The following ALMS1 variants were observed in gnomAD, a reference collection of about 807,000 sequenced individuals.
ALMS1 encodes the protein ALMS1 centrosome and basal body associated protein, also known as centrosome-associated protein ALMS1.
A neutral mutation model predicts 352.2 loss-of-function variants in ALMS1; 271 were observed. The ratio of observed to expected loss-of-function variants is 0.77; its 90% confidence interval spans 0.70 to 0.85. The LOEUF (loss-of-function observed/expected upper bound fraction) is 0.85, where lower values mean the gene tolerates loss of function less well. Among genes scored for constraint, ALMS1 ranks in the 40% least tolerant of loss-of-function variants. The pLI is 0.00. For missense variants in ALMS1, 5,445 were observed against 4,870.7 expected (o/e 1.12, Z -3.51); for synonymous variants, 1,865 against 1,761.2 (o/e 1.06, Z -1.48).
At chr2:73,520,168 C>A in intron 11 of ALMS1, 152 bp downstream of exon 11, 1 of 969,650 alleles carries the variant, frequency 1.0e-6, no homozygotes, top group Non-Finnish European at 1.6e-6. Context: ...ATTTGCATAG[C>A]TGTCAACAGA....
At chr2:73,544,314 A>G (rs924536336) in intron 12 of ALMS1, among the ~76,000 whole-genome samples, 4 of 152,172 alleles carry the variant, frequency 2.6e-5, no homozygotes, top group African/African-American at 9.7e-5. Flanking sequence ...GGAATTGAAC[A>G]ATGAGAACAC....
rs1673352459 is a variant in ALMS1, at chr2:73,507,479, G to C, written c.9540-12296G>C. Reference sequence around the variant, plus strand: ...TTGTCATTGGACTGTTCAGGGATTTGACTTCTTCCTGGTTTAGTCTTGGGA... The same window carrying C: ...TTGTCATTGGACTGTTCAGGGATTTCACTTCTTCCTGGTTTAGTCTTGGGA... On this transcript the variant is annotated intron_variant, in intron 10 of 22. Coordinates refer to ENST00000613296, the MANE Select transcript of ALMS1 (RefSeq NM_001378454.1). Among the ~76,000 whole-genome samples the C allele has an allele frequency of 2.0e-5, 3 of 151,610 alleles. No homozygotes were observed. In the South Asian group the frequency reaches 6.3e-4, roughly 32 times the overall value.
rs1280037324 is a variant in ALMS1, at chr2:73,602,350, T to C, written c.12280T>C (p.Cys4094Arg). ...RERQGHQNRMCPLPKRVFLAI... is the reference protein window; with the variant it reads ...RERQGHQNRMRPLPKRVFLAI... Reference sequence around the variant, plus strand: ...ACGGCAGGGCCACCAGAATCGCATGTGCCCGCTGCCCAAGAGAGGTACGCC... The same window carrying C: ...ACGGCAGGGCCACCAGAATCGCATGCGCCCGCTGCCCAAGAGAGGTACGCC... Residue 4094 changes from cysteine to arginine, a missense_variant, in exon 20 of 23, where the codon TGC becomes CGC. By Grantham distance (180) the Cys-to-Arg change is radical. Transcript: ENST00000613296. The C allele has an allele frequency of 4.3e-6, 7 of 1,614,054 alleles. No individual in the cohort carries two copies. In the East Asian group the frequency reaches 1.3e-4, roughly 31 times the overall value.
At chr2:73,398,834 T>C (rs1349044832) in intron 1 of ALMS1, among the ~76,000 whole-genome samples, 1 of 151,818 alleles carries the variant, frequency 6.6e-6, no homozygotes, top group Non-Finnish European at 1.5e-5. Flanking sequence ...GAAAGTTTTG[T>C]CAGTTCTTTT....
chr2:73,586,327 A>T (rs74970673), intron 16 of ALMS1, among the ~76,000 whole-genome samples: 70 of 152,236 alleles, frequency 4.6e-4, no homozygotes, highest in African/African-American at 1.7e-3. Flanking sequence ...GCCTAAGTCA[A>T]TGTCTACAAG....
chr2:73,505,560 TG>T (rs1161628227), intron 10 of ALMS1, among the ~76,000 whole-genome samples: 2 of 152,220 alleles, frequency 1.3e-5, no homozygotes, highest in Non-Finnish European at 2.9e-5. Context: ...CACTTTTTGA[TG>T]GGGTTGTTTG....
At chr2:73,604,955 G>A (rs554223663) in intron 21 of ALMS1, among the ~76,000 whole-genome samples, 1 of 152,334 alleles carries the variant, frequency 6.6e-6, no homozygotes, top group African/African-American at 2.4e-5. Context: ...AGGAAGCAGT[G>A]TAAATGGAGG....
chr2:73,594,778 C>T (rs1232456152), intron 16 of ALMS1, among the ~76,000 whole-genome samples: 1 of 152,226 alleles, frequency 6.6e-6, no homozygotes, highest in South Asian at 2.1e-4. Context: ...ACCCCCACCT[C>T]CTTTCCTGAT....
Position 73,452,878 on chromosome 2 carries a change from T to C in ALMS1, c.6351T>C (p.Asp2117=), listed in dbSNP as rs1162645257. The stretch of plus-strand genomic sequence containing the variant: ...TGCCAGGTAGTCATGTAACTGAAGA[T>C]GTGCTGAAGGTTTCAACAATTCCTG... ...QELPGSHVTE[D]VLKVSTIPGP... Residue 2117 remains aspartate, a synonymous_variant, in exon 8 of 23, where the codon GAT becomes GAC. Transcript: ENST00000613296. 6.2e-7 allele frequency: 1 copy of C among 1,613,874 alleles called. No individual in the cohort carries two copies. The highest frequency in any genetic ancestry group is 1.1e-5 in the South Asian group (1 of 91,076).
intron 2 of ALMS1, among the ~76,000 whole-genome samples, chr2:73,409,125 C>T (rs183789183): frequency 1.4e-3 from 211 of 152,216 alleles, no homozygotes; most frequent in African/African-American, 4.8e-3. Context: ...GATCCTTCGC[C>T]TTGGCCTCCC....
At chr2:73,571,088 ATGT>A (rs1348532445) in intron 15 of ALMS1, among the ~76,000 whole-genome samples, 2 of 152,170 alleles carry the variant, frequency 1.3e-5, no homozygotes, top group African/African-American at 2.4e-5. Flanking sequence ...CAATTTTTAA[ATGT>A]TGCTAGATAA....
At chr2:73,499,066 T>C (rs1673167861) in intron 10 of ALMS1, among the ~76,000 whole-genome samples, 1 of 152,212 alleles carries the variant, frequency 6.6e-6, no homozygotes, top group Non-Finnish European at 1.5e-5. Context: ...CAAGCAATAG[T>C]ATACAAGGGT....
rs371587051 is a variant in ALMS1 at position 73,608,501 on chromosome 2, A to G, written c.12389A>G (p.Gln4130Arg). 92 of 1,613,884 alleles carry G rather than the reference A, an allele frequency of 5.7e-5. No homozygotes were observed. The highest frequency in any genetic ancestry group is 7.5e-5 in the Non-Finnish European group (88 of 1,179,918). ...ATTTATGAGCAGCTTCCAGAAGTAC[A>G]GAAAAAGAGAGAAGAAGAGAAGAGA... is the stretch of plus-strand genomic sequence containing the variant. ...KRIYEQLPEV[Q>R]KKREEEKRKS... Residue 4130 changes from glutamine (Q) to arginine (R), a missense_variant, in exon 22 of 23, where the codon CAG (glutamine) becomes CGG (arginine). Physicochemically the swap from Gln to Arg is conservative, Grantham distance 43. Transcript: ENST00000613296.
At chr2:73,419,032 A>G (rs1671234308) in intron 2 of ALMS1, 91 bp from the exon 3 acceptor site, 4 of 1,059,366 alleles carry the variant, frequency 3.8e-6, no homozygotes, top group East Asian at 2.5e-5. Context: ...AGGAAGCTAT[A>G]TAATACATGA....
At chr2:73,492,677 AAAC>A (rs1386278029) in intron 10 of ALMS1, among the ~76,000 whole-genome samples, 1 of 152,206 alleles carries the variant, frequency 6.6e-6, no homozygotes, top group Admixed American at 6.5e-5. Flanking sequence ...TGGGGCAAAA[AAAC>A]AAGGTCAATC....
chr2:73,542,255 C>T (rs886363901), intron 12 of ALMS1, among the ~76,000 whole-genome samples: 67 of 152,078 alleles, frequency 4.4e-4, no homozygotes, highest in Non-Finnish European at 6.9e-4. Context: ...TAAACGGAAC[C>T]AAAGACAAAA....
chr2:73,454,679 AAT>A (rs1235867284), intron 8 of ALMS1, among the ~76,000 whole-genome samples: 1 of 152,230 alleles, frequency 6.6e-6, no homozygotes, highest in Non-Finnish European at 1.5e-5. Flanking sequence ...TCTGTAAGAC[AAT>A]ATGGGGAATA....
At chr2:73,559,228 G>C in intron 15 of ALMS1, 86 bp downstream of exon 15, 1 of 1,498,306 alleles carries the variant, frequency 6.7e-7, no homozygotes, top group South Asian at 1.2e-5. Flanking sequence ...ATTCTGATGA[G>C]AATATAGCCT....
rs1675005106 is a variant in ALMS1 at position 73,574,205 on chromosome 2, G to A, written c.11547+781G>A. Among the ~76,000 whole-genome samples, 2 of 152,166 alleles carry A rather than the reference G, an allele frequency of 1.3e-5. 1 individual carries two copies. The highest frequency in any genetic ancestry group is 1.3e-4 in the Admixed American group (2 of 15,262). ...AGAAGGCACCACAGTGCAACAAAGA[G>A]TATCCTCCTATAAGGCCATTATCAC... On this transcript the variant is annotated intron_variant, in intron 16 of 22. Transcript: ENST00000613296.
Sources: allele counts gnomAD v4.1 joint callset (sites outside exome capture counted in the v4.1 genomes callset), GRCh38; gene constraint gnomAD v4.1.1; transcripts MANE v1.5; gene names NCBI Gene and HGNC (gene_info 2026-07-23, HGNC 2026-07-21).